The following TRPM3 variants were observed in gnomAD, a reference collection of about 807,000 sequenced individuals.
The protein encoded by TRPM3 is long transient receptor potential channel 3.
In TRPM3, 77 loss-of-function variants were observed where a neutral mutation model predicts 181.2. The ratio of observed to expected loss-of-function variants is 0.42; its 90% CI spans 0.35 to 0.51. TRPM3 has a LOEUF of 0.51. Among genes scored for constraint, TRPM3 ranks in the 20% least tolerant of loss-of-function variants. The probability of loss-of-function intolerance (pLI) is 0.01; values close to 1 mark genes in which losing one functional copy is unlikely to be tolerated. For missense variants in TRPM3, 1,759 were observed against 2,196.7 expected (o/e 0.80, Z 3.98); for synonymous variants, 745 against 796.4 (o/e 0.94, Z 1.09).
At chr9:71,018,764 A>G (rs28875535) in intron 1 of TRPM3, among the ~76,000 whole-genome samples, 7,000 of 151,948 alleles carry the variant, frequency 0.046, 269 homozygotes, top group African/African-American at 0.1. Flanking sequence ...CAGAGGACAG[A>G]AAAAGGGAGA....
intron 1 of TRPM3, among the ~76,000 whole-genome samples, chr9:71,300,378 A>G (rs1394308): frequency 0.034 from 5,158 of 152,256 alleles, 122 homozygotes; most frequent in East Asian, 0.11. Flanking sequence ...CCCTCCATTC[A>G]ATTGTAAAAT....
At chr9:71,044,605 C>A (rs151208738) in intron 1 of TRPM3, among the ~76,000 whole-genome samples, 2 of 152,326 alleles carry the variant, frequency 1.3e-5, no homozygotes, top group African/African-American at 4.8e-5. Flanking sequence ...ACAAAAAGTC[C>A]TACTTCATTA....
Position 70,620,114 on chromosome 9 carries a change from C to T in TRPM3, c.2091G>A (p.Met697Ile). 6.2e-7 allele frequency: 1 copy of T among 1,611,812 alleles called. No individual in the cohort carries two copies. The highest frequency in any genetic ancestry group is 1.7e-5 in the Admixed American group (1 of 59,980). The change falls in exon 16 of 26, where the codon ATG (methionine) becomes ATA (isoleucine). Residue 697 changes from methionine (M) to isoleucine (I), a missense_variant. This residue lies in a region of TRPM3 where 737 missense variants were observed against 957.4 expected (regional missense o/e 0.77). Coordinates refer to ENST00000677713, the MANE Select transcript of TRPM3 (RefSeq NM_001366145.2). ...AMAHEASEND[M>I]VDDISQELNH... is the part of the protein sequence containing the mutation. ...TCAGCTCCTGGGAAATGTCGTCAACCATGTCGTTCTCAGAGGCCTCATGAG... is the reference window on the plus strand; with the variant it reads ...TCAGCTCCTGGGAAATGTCGTCAACTATGTCGTTCTCAGAGGCCTCATGAG...
intron 1 of TRPM3, among the ~76,000 whole-genome samples, chr9:70,890,759 T>G (rs540289858): frequency 6.6e-6 from 1 of 152,028 alleles, no homozygotes; most frequent in Non-Finnish European, 1.5e-5. Context: ...TGGGATGCTA[T>G]TGGAAAATAT....
At chr9:70,765,655 T>C (rs1410100543) in intron 7 of TRPM3, among the ~76,000 whole-genome samples, 1 of 152,182 alleles carries the variant, frequency 6.6e-6, no homozygotes, top group Non-Finnish European at 1.5e-5. Context: ...AAGTATTTGC[T>C]CTGCTGAACT....
chr9:71,162,199 C>CAAAAAAAAAAAAAAAAAAAAAAAAA (rs35947110), intron 1 of TRPM3, among the ~76,000 whole-genome samples: 9 of 74,438 alleles, frequency 1.2e-4, no homozygotes, highest in Non-Finnish European at 1.7e-4. Context: ...GACTCTGTCT[C>CAAAAAAAAAAAAAAAAAAAAAAAAA]AAAAAAAAAA....
At chr9:71,030,289 G>A (rs1259942567) in intron 1 of TRPM3, among the ~76,000 whole-genome samples, 1 of 152,106 alleles carries the variant, frequency 6.6e-6, no homozygotes, top group Admixed American at 6.6e-5. Flanking sequence ...TGCAGACCAG[G>A]CACTGTGGCT....
intron 8 of TRPM3, among the ~76,000 whole-genome samples, chr9:70,743,182 G>T (rs1204169138): frequency 1.3e-5 from 2 of 152,174 alleles, no homozygotes; most frequent in African/African-American, 4.8e-5. Context: ...GTTGTGGCTG[G>T]AAGGATAGAC....
At chr9:70,948,631 CT>C (rs2096962147) in intron 1 of TRPM3, among the ~76,000 whole-genome samples, 1 of 152,114 alleles carries the variant, frequency 6.6e-6, no homozygotes, top group African/African-American at 2.4e-5. Context: ...CATTGGAAGC[CT>C]ATTAAACATC....
chr9:71,194,090 T>C (rs2078193665), intron 1 of TRPM3, among the ~76,000 whole-genome samples: 1 of 151,956 alleles, frequency 6.6e-6, no homozygotes, highest in South Asian at 2.1e-4. Context: ...TTTTTGTAAT[T>C]TGTCACCATA....
At chr9:71,159,041 G>A (rs2076143021) in intron 1 of TRPM3, among the ~76,000 whole-genome samples, 1 of 151,584 alleles carries the variant, frequency 6.6e-6, no homozygotes, top group Non-Finnish European at 1.5e-5. Context: ...CCTGCTTGCA[G>A]GAAGCAGACG....
chr9:70,924,801 T>C (rs897060903), intron 1 of TRPM3, among the ~76,000 whole-genome samples: 1 of 152,182 alleles, frequency 6.6e-6, no homozygotes, highest in African/African-American at 2.4e-5. Flanking sequence ...TCTAGCTGAC[T>C]AATACAAGGT....
intron 18 of TRPM3, among the ~76,000 whole-genome samples, chr9:70,614,085 T>TAA (rs2062387230): frequency 6.6e-6 from 1 of 152,162 alleles, no homozygotes; most frequent in African/African-American, 2.4e-5. Context: ...ACCTATTGTC[T>TAA]AAAAGTGTGG....
At chr9:70,970,242 A>T (rs1469635534) in intron 1 of TRPM3, among the ~76,000 whole-genome samples, 5 of 152,162 alleles carry the variant, frequency 3.3e-5, no homozygotes, top group Non-Finnish European at 7.4e-5. Flanking sequence ...ACAAAATGAA[A>T]ACCTTTATAA....
chr9:71,285,336 C>A (rs988192257), intron 1 of TRPM3, among the ~76,000 whole-genome samples: 1 of 152,162 alleles, frequency 6.6e-6, no homozygotes, highest in Admixed American at 6.6e-5. Context: ...ACTAGAGGGT[C>A]GTAGCTGCAC....
At chr9:71,356,449 C>T (rs1441296626) in intron 1 of TRPM3, among the ~76,000 whole-genome samples, 4 of 152,090 alleles carry the variant, frequency 2.6e-5, no homozygotes, top group African/African-American at 9.7e-5. Flanking sequence ...AAGTTACTGT[C>T]TCTATGCTAT....
At chr9:70,927,029 T>C (rs1347411412) in intron 1 of TRPM3, among the ~76,000 whole-genome samples, 1 of 152,220 alleles carries the variant, frequency 6.6e-6, no homozygotes, top group Non-Finnish European at 1.5e-5. Context: ...TCAAGTAACA[T>C]GAAAATTCAT....
In TRPM3 at chr9:70,625,184, G is replaced by C. The variant is rs368554031; in HGVS notation, c.1809+7C>G. 1 of 1,613,856 alleles carries C rather than the reference G, an allele frequency of 6.2e-7. No homozygotes were observed. The highest frequency in any genetic ancestry group is 1.3e-5 in the African/African-American group (1 of 74,934). ...AGGAAGGGCCCCGAATTTGCAGCCA[G>C]CCTCACCCTCTTGGGGCCGAAGAGG... is the stretch of plus-strand genomic sequence containing the variant. On this transcript the variant is annotated splice_region_variant and intron_variant, in intron 14 of 25. Transcript: ENST00000677713. This position sits in a 1 kb window ranked among gnomAD's most constrained non-coding sequence, Gnocchi z 4.8.
At chr9:70,660,789 G>A (rs994148560) in intron 9 of TRPM3, among the ~76,000 whole-genome samples, 16 of 151,934 alleles carry the variant, frequency 1.1e-4, no homozygotes, top group African/African-American at 3.4e-4. Context: ...GATTGAATAA[G>A]TATTAAAAAA....
Sources: gnomAD v4.1 joint callset for allele counts (sites outside exome capture counted in the v4.1 genomes callset) on GRCh38, gnomAD v4.1.1 for gene constraint, gnomAD v4.1.1 regional missense constraint, Gnocchi (gnomAD v3.1) non-coding constraint, MANE v1.5 for transcripts, NCBI Gene and HGNC (gene_info 2026-07-23, HGNC 2026-07-21) for gene names.